TASOR2: variants seen among roughly 807,000 people sequenced by gnomAD.
TASOR2 encodes transcription activation suppressor family member 2, also known as protein TASOR 2.
A neutral mutation model predicts 199.5 loss-of-function variants in TASOR2; 84 were observed. The ratio of observed to expected loss-of-function variants is 0.42; its 90% CI spans 0.35 to 0.50. The LOEUF is 0.50. Ranked by LOEUF, TASOR2 falls within the 20% of genes least tolerant of loss-of-function variation. TASOR2 has a pLI of 0.02. For synonymous variants in TASOR2, 1,103 were observed against 1,046.6 expected (o/e 1.05, Z -1.04); for missense variants, 2,796 against 2,835.9 (o/e 0.99, Z 0.32).
rs541267855 is a variant in TASOR2, at chr10:5,722,624, G to A, written c.147-1053G>A. Among the ~76,000 whole-genome samples the A allele has an allele frequency of 7.2e-5, 11 of 152,242 alleles. No homozygotes were observed. Among genetic ancestry groups the A allele is most frequent in the African/African-American group, 2.6e-4 (11 of 41,546 alleles). On this transcript the variant is annotated intron_variant, in intron 6 of 20. Transcript: ENST00000328090. The surrounding 1 kb of genome is among the most constrained non-coding windows in gnomAD (Gnocchi z 4.0). ...AACATGGTATACTGTTAATATTTGGGAAATCTGGATGAAGGGTATTAAAGA... is the reference window on the plus strand; with the variant it reads ...AACATGGTATACTGTTAATATTTGGAAAATCTGGATGAAGGGTATTAAAGA...
chr10:5,760,999 G>GC (rs1041520405), intron 18 of TASOR2: 1 of 260,070 alleles, frequency 3.8e-6, no homozygotes, highest in Non-Finnish European at 7.3e-6. Flanking sequence ...AATATACAAC[G>GC]CAATAAGGCC....
chr10:5,762,526 T>TTTTTTTTAA lies in TASOR2; in HGVS notation c.7175-6_7175-5insTTTTTTTAA. On this transcript the variant is annotated splice_region_variant and splice_polypyrimidine_tract_variant and intron_variant, in intron 19 of 20. Transcript: ENST00000328090. ...ACCAAAAGTTGTTTTTTTTTTTTTT[T>TTTTTTTTAA]AACAGACAAGCCTACTATCCCCAGA... The TTTTTTTTAA allele has an allele frequency of 4.3e-6, 3 of 699,658 alleles. No homozygotes were observed. Among genetic ancestry groups the TTTTTTTTAA allele is most frequent in the South Asian group, 2.8e-5 (1 of 35,810 alleles). The allele number at this position is 699,658 out of a possible 1,614,324, so 43.3% of individuals were successfully genotyped here. A position where few individuals can be genotyped will look rare whatever the true frequency, so the allele number is the denominator to read the frequency against.
At chr10:5,692,941 T>G (rs1331201290) in intron 1 of TASOR2, 1 of 152,192 alleles carries the variant, frequency 6.6e-6, no homozygotes, top group Non-Finnish European at 1.5e-5. Context: ...GGGGCCTAGG[T>G]CTCCCACATG....
chr10:5,685,029 G>C lies in TASOR2; in HGVS notation c.-434G>C, dbSNP rs1270904438. On this transcript the variant is annotated 5_prime_UTR_variant, in exon 1 of 21. Coordinates refer to ENST00000328090, the Ensembl canonical transcript of TASOR2. This position sits in a 1 kb window ranked among gnomAD's most constrained non-coding sequence, Gnocchi z 5.4. ...GCGTGCCCCTGAGGGGGGTCCCCGC[G>C]GGAGCGCGGAGCCGGCGACTGGTGC... is the stretch of plus-strand genomic sequence containing the variant. The C allele has an allele frequency of 2.5e-6, 1 of 397,802 alleles. No individual in the cohort carries two copies. The highest frequency in any genetic ancestry group is 4.4e-6 in the Non-Finnish European group (1 of 225,468). The allele number at this position is 397,802 out of a possible 1,614,324, so 24.6% of individuals were successfully genotyped here. A position where few individuals can be genotyped will look rare whatever the true frequency, so the allele number is the denominator to read the frequency against.
Position 5,687,574 on chromosome 10 carries a change from C to CTTTG in TASOR2, c.-288+2400_-288+2403dup, listed in dbSNP as rs751723646. On this transcript the variant is annotated intron_variant, in intron 1 of 20. Transcript: ENST00000328090. The surrounding 1 kb of genome is among the most constrained non-coding windows in gnomAD (Gnocchi z 4.8). ...GTGGCCCACGCCTGTAATCCCAGCA[C>CTTTG]TTTGGGAGGCCAAGGCAGGTGGATC... 9.9e-5 allele frequency among the ~76,000 whole-genome samples: 15 copies of CTTTG among 152,240 alleles called. No individual in the cohort carries two copies. Among genetic ancestry groups the CTTTG allele is most frequent in the Non-Finnish European group, 1.0e-4 (7 of 68,044 alleles).
At position 5,742,575 on chromosome 10, in the gene TASOR2, A is replaced by C; in HGVS notation, c.2757+49A>C. ...AATGTTGGCATTATTTTTGAAGAAA[A>C]AAATGTTTATATGTAAAATCACATT... is the stretch of plus-strand genomic sequence containing the variant. On this transcript the variant is annotated intron_variant, in intron 14 of 20. Transcript: ENST00000328090. This position sits in a 1 kb window ranked among gnomAD's most constrained non-coding sequence, Gnocchi z 4.2. 2 of 1,525,934 alleles carry C rather than the reference A, an allele frequency of 1.3e-6. No individual in the cohort carries two copies. The highest frequency in any genetic ancestry group is 1.8e-6 in the Non-Finnish European group (2 of 1,125,468). The allele number at this position is 1,525,934 out of a possible 1,614,324, so 94.5% of individuals were successfully genotyped here. A position where few individuals can be genotyped will look rare whatever the true frequency, so the allele number is the denominator to read the frequency against.
intron 3 of TASOR2, among the ~76,000 whole-genome samples, chr10:5,718,322 GTT>G (rs557861716): frequency 8.8e-6 from 1 of 113,142 alleles, no homozygotes; most frequent in Non-Finnish European, 1.9e-5. Context: ...TCGTTTTATT[GTT>G]TTTTTTTTTA....
Position 5,722,059 on chromosome 10 carries a change from G to A in TASOR2, c.146+1089G>A, listed in dbSNP as rs1833428977. Among the ~76,000 whole-genome samples the A allele has an allele frequency of 6.6e-6, 1 of 152,080 alleles. No homozygotes were observed. The highest frequency in any genetic ancestry group is 2.1e-4 in the South Asian group (1 of 4,834). ...TTTTCTTTTTTTGTGAAGGAACTTA[G>A]TGAGACAGTTGGCAGCATTTGAATA... On this transcript the variant is annotated intron_variant, in intron 6 of 20. Transcript: ENST00000328090. The surrounding 1 kb of genome is among the most constrained non-coding windows in gnomAD (Gnocchi z 4.0).
rs1837516351 is a variant in TASOR2 at position 5,748,355 on chromosome 10, A to G, written c.4934A>G (p.Tyr1645Cys). 6.2e-7 allele frequency: 1 copy of G among 1,614,108 alleles called. No individual in the cohort carries two copies. Among genetic ancestry groups the G allele is most frequent in the African/African-American group, 1.3e-5 (1 of 74,946 alleles). Residue 1645 changes from tyrosine to cysteine, a missense_variant, in exon 15 of 21, where the codon TAT becomes TGT. By Grantham distance (194) the Tyr-to-Cys change is radical. Transcript: ENST00000328090. The surrounding 1 kb of genome is among the most constrained non-coding windows in gnomAD (Gnocchi z 5.1). ...ACAGCTGCCTCGGTTGATGGAGCTT[A>G]TTCTACACAGGGATGCATGTGCTCA...
At position 5,749,655 on chromosome 10, in the gene TASOR2, T is replaced by A; in HGVS notation, c.6234T>A (p.Asp2078Glu). The A allele has an allele frequency of 5.0e-6, 8 of 1,614,122 alleles. No homozygotes were observed. The East Asian group carries it at 1.8e-4, about 36-fold the overall frequency. Residue 2078 changes from aspartate to glutamate, a missense_variant, in exon 15 of 21, where the codon GAT (aspartate) becomes GAA (glutamate). Physicochemically the swap from Asp to Glu is conservative, Grantham distance 45 (BLOSUM62 2). This residue lies in a region of TASOR2 where 1,941 missense variants were observed against 1,924.9 expected (regional missense o/e 1.01). Transcript: ENST00000328090. ...GAGAGAGATGTAGTCATAATAGAGA[T>A]CTTAGAAATTCTCAAAGAAATCACA...
Position 5,737,761 on chromosome 10 carries a change from T to C in TASOR2, c.1448-1857T>C, listed in dbSNP as rs1835833374. On this transcript the variant is annotated intron_variant, in intron 12 of 20. Transcript: ENST00000328090. This position sits in a 1 kb window ranked among gnomAD's most constrained non-coding sequence, Gnocchi z 4.9. ...GTAACATCTTGTGTTCCTAGCAGTGTCATTTGCATTCTTTGTACTGAATTG... is the reference window on the plus strand; with the variant it reads ...GTAACATCTTGTGTTCCTAGCAGTGCCATTTGCATTCTTTGTACTGAATTG... 3.3e-5 allele frequency among the ~76,000 whole-genome samples: 5 copies of C among 152,236 alleles called. No homozygotes were observed. The highest frequency in any genetic ancestry group is 2.0e-4 in the Admixed American group (3 of 15,292).
intron 2 of TASOR2, 35 bp downstream of exon 3, chr10:5,714,242 A>T (rs1282121897): frequency 8.3e-7 from 1 of 1,208,416 alleles, no homozygotes; most frequent in Non-Finnish European, 1.0e-6. Context: ...CTTAAAAAAA[A>T]ATCTTCTTTT....
intron 18 of TASOR2, among the ~76,000 whole-genome samples, chr10:5,759,663 A>AG (rs1165368739): frequency 4.6e-5 from 7 of 152,268 alleles, no homozygotes; most frequent in Admixed American, 1.3e-4. Flanking sequence ...GAAGCAGAGT[A>AG]GATAACAAAC....
exon 19 of TASOR2, chr10:5,761,385 G>A (rs1018521501): frequency 3.7e-6 from 6 of 1,613,742 alleles, no homozygotes; most frequent in African/African-American, 2.7e-5. Flanking sequence ...TGTGACTCTC[G>A]ATCATCAACA....
rs766087567 is a variant in TASOR2, at chr10:5,730,933, T to C, written c.934T>C (p.Ser312Pro). 6.2e-7 allele frequency: 1 copy of C among 1,614,186 alleles called. No homozygotes were observed. Among genetic ancestry groups the C allele is most frequent in the Middle Eastern group, 1.6e-4 (1 of 6,062 alleles). The change falls in exon 11 of 21, where the codon TCA becomes CCA. Residue 312 changes from serine to proline, a missense_variant. By Grantham distance (74) the Ser-to-Pro change is moderately conservative. This residue lies in a region of TASOR2 where 847 missense variants were observed against 887.4 expected (regional missense o/e 0.95). Coordinates refer to ENST00000328090, the Ensembl canonical transcript of TASOR2. The surrounding 1 kb of genome is among the most constrained non-coding windows in gnomAD (Gnocchi z 4.1). Reference sequence around the variant, plus strand: ...GACTCCAGATCCTGAATTTCTTGTCTCAGAGGCAGAAGTGAGAAAAGAAAC... The same window carrying C: ...GACTCCAGATCCTGAATTTCTTGTCCCAGAGGCAGAAGTGAGAAAAGAAAC...
rs549259160 is a variant in TASOR2, at chr10:5,758,163, C to T, written c.6886+490C>T. 2.1e-4 allele frequency among the ~76,000 whole-genome samples: 32 copies of T among 152,242 alleles called. No individual in the cohort carries two copies. In the South Asian group the frequency reaches 6.6e-3, roughly 32 times the overall value. Reference sequence around the variant, plus strand: ...CTCAGGGCACTTTTATGTATAAAACCTGCCCCGGCTCTGATCACATTGGAA... The same window carrying T: ...CTCAGGGCACTTTTATGTATAAAACTTGCCCCGGCTCTGATCACATTGGAA... On this transcript the variant is annotated intron_variant, in intron 17 of 20. Transcript: ENST00000328090.
At chr10:5,757,480 G>A (rs368813207) in intron 16 of TASOR2, 40 bp from the exon 18 acceptor site, 1 of 1,564,816 alleles carries the variant, frequency 6.4e-7, no homozygotes, top group African/African-American at 1.4e-5. Flanking sequence ...AATGTGCCCA[G>A]TGAGCCTCTC....
rs778503893 is a variant in TASOR2, at chr10:5,740,265, C to T, written c.2095C>T (p.Arg699Trp). The T allele has an allele frequency of 3.1e-6, 5 of 1,614,062 alleles. No homozygotes were observed. The highest frequency in any genetic ancestry group is 1.1e-5 in the South Asian group (1 of 91,086). ...CCCAGTGGGGAAAGTCATGCCATTT[C>T]GGCATCAGCCCGGCCTTTTGCTTCA... Residue 699 changes from arginine (R) to tryptophan (W), a missense_variant, in exon 13 of 21, where the codon CGG (arginine) becomes TGG (tryptophan). Physicochemically the swap from Arg to Trp is moderately radical, Grantham distance 101. Around this residue, in one of 3 missense-constraint regions of TASOR2, gnomAD observed 847 missense variants for 887.4 expected, o/e 0.95. Coordinates refer to ENST00000328090, the Ensembl canonical transcript of TASOR2. The surrounding 1 kb of genome is among the most constrained non-coding windows in gnomAD (Gnocchi z 5.3).
At chr10:5,697,173 A>C (rs1387058420) in intron 1 of TASOR2, among the ~76,000 whole-genome samples, 1 of 152,262 alleles carries the variant, frequency 6.6e-6, no homozygotes, top group African/African-American at 2.4e-5. Flanking sequence ...CCGAATGTAT[A>C]GTTCCAAAAG....
Sources: gnomAD v4.1 joint callset for allele counts (sites outside exome capture counted in the v4.1 genomes callset) on GRCh38, gnomAD v4.1.1 for gene constraint, gnomAD v4.1.1 regional missense constraint, Gnocchi (gnomAD v3.1) non-coding constraint, MANE v1.5 for transcripts, NCBI Gene and HGNC (gene_info 2026-07-23, HGNC 2026-07-21) for gene names.